Variants in ATOSA observed in about 807,000 individuals in gnomAD.
ATOSA encodes atos homolog protein A.
At chr15:52,600,390 C>T in the ATOSA span, among the ~76,000 whole-genome samples, 2 of 152,120 alleles carry the variant, frequency 1.3e-5, no homozygotes. Flanking sequence ...AATCCTCCTG[C>T]CTCAGCCTCC....
chr15:52,603,163 C>G, the ATOSA span, among the ~76,000 whole-genome samples: 3 of 151,218 alleles, frequency 2.0e-5, no homozygotes, highest in Non-Finnish European at 4.4e-5. Flanking sequence ...TTAAAATGGA[C>G]AAAAAAAATC....
chr15:52,634,744 G>C, the ATOSA span, among the ~76,000 whole-genome samples: 1 of 151,950 alleles, frequency 6.6e-6, no homozygotes, highest in Admixed American at 6.6e-5. Flanking sequence ...TGGGATTACA[G>C]GCACATGCCA....
the ATOSA span, among the ~76,000 whole-genome samples, chr15:52,664,314 C>T: frequency 6.6e-6 from 1 of 152,106 alleles, no homozygotes; most frequent in Non-Finnish European, 1.5e-5. Flanking sequence ...TTCTAGAATC[C>T]TAGTTGGAAA....
the ATOSA span, among the ~76,000 whole-genome samples, chr15:52,641,425 T>C: frequency 2.4e-3 from 369 of 152,326 alleles, no homozygotes; most frequent in African/African-American, 8.2e-3. Context: ...GCTTATCATC[T>C]GAAGGAGCAA....
chr15:52,630,151 G>A, the ATOSA span, among the ~76,000 whole-genome samples: 1 of 152,044 alleles, frequency 6.6e-6, no homozygotes, highest in African/African-American at 2.4e-5. Flanking sequence ...CCTCACATGT[G>A]TTCTACTAGC....
the ATOSA span, among the ~76,000 whole-genome samples, chr15:52,680,476 A>G: frequency 6.6e-6 from 1 of 151,800 alleles, no homozygotes; most frequent in Non-Finnish European, 1.5e-5. Context: ...AATTTTTTTT[A>G]CAATGAGTCT....
At chr15:52,593,830 GAGA>G in the ATOSA span, 1 of 1,219,230 alleles carries the variant, frequency 8.2e-7, no homozygotes. Context: ...TCTAAAGGCA[GAGA>G]AGTGATTAAA....
chr15:52,637,886 C>T, the ATOSA span, among the ~76,000 whole-genome samples: 1 of 152,140 alleles, frequency 6.6e-6, no homozygotes, highest in Non-Finnish European at 1.5e-5. Context: ...ATCCTGAATA[C>T]CTGAATATTA....
chr15:52,588,328 G>C, the ATOSA span, among the ~76,000 whole-genome samples: 1 of 152,310 alleles, frequency 6.6e-6, no homozygotes, highest in African/African-American at 2.4e-5. Flanking sequence ...AAAAGTGTAT[G>C]TTAAAACAAG....
chr15:52,597,719 A>G, the ATOSA span, among the ~76,000 whole-genome samples: 7 of 152,244 alleles, frequency 4.6e-5, no homozygotes, highest in East Asian at 1.2e-3. Context: ...GTTTTGCAGT[A>G]GAAAACTCTA....
chr15:52,685,243 T>G, the ATOSA span, among the ~76,000 whole-genome samples: 1 of 152,156 alleles, frequency 6.6e-6, no homozygotes, highest in African/African-American at 2.4e-5. Flanking sequence ...TGCCCTAATC[T>G]TTTCTTTTTT....
chr15:52,670,386 G>A, the ATOSA span, among the ~76,000 whole-genome samples: 1 of 152,142 alleles, frequency 6.6e-6, no homozygotes, highest in Non-Finnish European at 1.5e-5. Context: ...GACGGTATTA[G>A]AGCAAAAAAC....
chr15:52,634,526 CGTT>C, the ATOSA span, among the ~76,000 whole-genome samples: 1 of 150,798 alleles, frequency 6.6e-6, no homozygotes, highest in African/African-American at 2.4e-5. Flanking sequence ...AAAAGGCAGA[CGTT>C]GTGAGATTAG....
chr15:52,651,814 C>T, the ATOSA span: 3 of 1,506,824 alleles, frequency 2.0e-6, no homozygotes, highest in Non-Finnish European at 2.7e-6. Context: ...TGGTAAACAG[C>T]TACAGAAAAT....
At chr15:52,656,066 T>C in the ATOSA span, 1 of 152,080 alleles carries the variant, frequency 6.6e-6, no homozygotes, top group East Asian at 1.9e-4. Context: ...ATTAGTTGTA[T>C]ACTGTATTAA....
the ATOSA span, among the ~76,000 whole-genome samples, chr15:52,670,139 T>C: frequency 2.6e-5 from 4 of 152,230 alleles, no homozygotes; most frequent in African/African-American, 9.6e-5. Context: ...TTCTATGTTA[T>C]TGTATATTTC....
chr15:52,674,094 T>G, the ATOSA span, among the ~76,000 whole-genome samples: 1 of 152,222 alleles, frequency 6.6e-6, no homozygotes, highest in South Asian at 2.1e-4. Flanking sequence ...TATGATTTAT[T>G]TTATAGGTCT....
the ATOSA span, among the ~76,000 whole-genome samples, chr15:52,589,118 A>G: frequency 6.6e-6 from 1 of 152,242 alleles, no homozygotes; most frequent in Admixed American, 6.5e-5. Flanking sequence ...CAGATTTGTC[A>G]TATGGTTATT....
At chr15:52,651,926 G>A in the ATOSA span, 1 of 1,535,392 alleles carries the variant, frequency 6.5e-7, no homozygotes, top group East Asian at 2.4e-5. Context: ...CTTGTATAAA[G>A]GAAGTTGCCT....
Sources: allele counts gnomAD v4.1 joint callset (sites outside exome capture counted in the v4.1 genomes callset), GRCh38; gene constraint gnomAD v4.1.1; transcripts MANE v1.5; gene names NCBI Gene and HGNC (gene_info 2026-07-23, HGNC 2026-07-21).